The following KATNAL2 variants were observed in gnomAD, a reference collection of about 807,000 sequenced individuals.
KATNAL2 encodes katanin p60 ATPase-containing subunit A-like 2.
A neutral mutation model predicts 76.3 loss-of-function variants in KATNAL2; 52 were observed. That is an observed-to-expected ratio of 0.68 (90% CI 0.55 to 0.86). KATNAL2 has a LOEUF of 0.86. KATNAL2 is among the 40% of genes least tolerant of loss of function. The pLI is 0.00. For missense variants in KATNAL2, 660 were observed against 668.9 expected, an observed-to-expected ratio of 0.99 and a Z score of 0.15; for synonymous variants, 243 against 244.2, an observed-to-expected ratio of 1.00 and a Z score of 0.05.
rs573481393 is a variant in KATNAL2, at chr18:47,033,104, C to G, written c.52-13353C>G. ...TTCCGGGTTTTGGCCGCGGGCGCCG[C>G]GTGCTCATTGCTGCTGCTCAGGCAG... On this transcript the variant is annotated intron_variant, in intron 3 of 17. Coordinates refer to ENST00000683218, the MANE Select transcript of KATNAL2 (RefSeq NM_001387690.1). 4 of 1,614,110 alleles carry G rather than the reference C, an allele frequency of 2.5e-6. No homozygotes were observed. The African/African-American group carries it at 5.3e-5, about 22-fold the overall frequency.
intron 3 of KATNAL2, chr18:47,035,694 C>T: frequency 3.6e-6 from 1 of 275,512 alleles, no homozygotes; most frequent in Non-Finnish European, 7.3e-6. Flanking sequence ...ACGGTCCACG[C>T]CAGGTGGACT....
intron 3 of KATNAL2, chr18:46,963,135 T>TGC (rs373334809): frequency 0.035 from 33,477 of 967,370 alleles, 206 homozygotes; most frequent in South Asian, 0.05. Flanking sequence ...TCGCAGCCGC[T>TGC]GCTCTCGGGC....
At chr18:47,031,483 T>C (rs1289907178) in intron 3 of KATNAL2, among the ~76,000 whole-genome samples, 1 of 152,178 alleles carries the variant, frequency 6.6e-6, no homozygotes, top group Non-Finnish European at 1.5e-5. Flanking sequence ...AAAATCATTA[T>C]GCCCTGAGAA....
intron 13 of KATNAL2, among the ~76,000 whole-genome samples, chr18:47,070,097 C>G (rs80237761): frequency 8.9e-5 from 12 of 134,922 alleles, no homozygotes; most frequent in African/African-American, 3.3e-4. Context: ...TTTTTGCTTT[C>G]TTTTTTTTTT....
At chr18:46,925,385 C>A (rs1156407292) in intron 1 of KATNAL2, among the ~76,000 whole-genome samples, 4 of 152,128 alleles carry the variant, frequency 2.6e-5, no homozygotes, top group African/African-American at 7.2e-5. Context: ...GGATTACATT[C>A]ATTGATTTGC....
intron 3 of KATNAL2, 102 bp downstream of exon 3, chr18:46,947,025 C>A: frequency 2.3e-6 from 2 of 861,116 alleles, no homozygotes; most frequent in Non-Finnish European, 3.8e-6. Flanking sequence ...ACAGAGTCCG[C>A]TACTAGAGAA....
At chr18:47,054,499 C>CCAGA in intron 6 of KATNAL2, 61 bp downstream of exon 6, 1 of 1,506,672 alleles carries the variant, frequency 6.6e-7, no homozygotes, top group Non-Finnish European at 9.2e-7. Context: ...GAATCCCTTT[C>CCAGA]CAGAAGCTTT....
Position 47,101,072 on chromosome 18 carries a change from G to A in KATNAL2, c.*67G>A. 6.4e-7 allele frequency: 1 copy of A among 1,550,642 alleles called. No individual in the cohort carries two copies. Among genetic ancestry groups the A allele is most frequent in the Non-Finnish European group, 8.8e-7 (1 of 1,130,214 alleles). ...GACCTCCTAGTTTATTAATGTCCGT[G>A]GGAGAACAAAATGATTGGAATGGAA... is the stretch of plus-strand genomic sequence containing the variant. On this transcript the variant is annotated 3_prime_UTR_variant, in exon 18 of 18. Transcript: ENST00000683218.
intron 15 of KATNAL2, among the ~76,000 whole-genome samples, chr18:47,094,849 C>T (rs539264490): frequency 6.6e-6 from 1 of 152,290 alleles, no homozygotes; most frequent in East Asian, 1.9e-4. Context: ...CCATTTTACC[C>T]TCTACCAAGG....
In KATNAL2 at chr18:46,946,316, T is replaced by A. The variant is rs143340835; in HGVS notation, c.-250T>A. 1 of 1,041,956 alleles carries A rather than the reference T, an allele frequency of 9.6e-7. No individual in the cohort carries two copies. The highest frequency in any genetic ancestry group is 1.2e-6 in the Non-Finnish European group (1 of 861,408). 64.5% of individuals were successfully genotyped at this position (1,041,956 alleles called of 1,614,324 possible). A position where few individuals can be genotyped will look rare whatever the true frequency, so the allele number is the denominator to read the frequency against. ...AATTGGAGGAGAAGGGGAAGTTTGG[T>A]GATGCACAGTTTGCATCCCAGAAGG... On this transcript the variant is annotated 5_prime_UTR_variant, in exon 2 of 18. It removes the in-frame stop codon of an upstream open reading frame in the 5' UTR. Transcript: ENST00000683218.
chr18:47,044,373 G>A (rs778626946), intron 3 of KATNAL2, among the ~76,000 whole-genome samples: 2 of 152,146 alleles, frequency 1.3e-5, no homozygotes, highest in African/African-American at 4.8e-5. Flanking sequence ...GTTTCAATTC[G>A]GGAAGATGAA....
chr18:47,046,605 T>A, intron 4 of KATNAL2, 78 bp downstream of exon 4: 1 of 1,004,402 alleles, frequency 1.0e-6, no homozygotes. Context: ...TACTTTTAAA[T>A]ACAATAGACT....
chr18:46,946,658 C>G (rs1472783659), intron 2 of KATNAL2, 112 bp downstream of exon 2: 1 of 1,133,248 alleles, frequency 8.8e-7, no homozygotes, highest in Non-Finnish European at 1.2e-6. Context: ...CTTCATTGGC[C>G]AGTGTCATGC....
rs2063435686 is a variant in KATNAL2 at position 47,101,350 on chromosome 18, T to C, written c.*345T>C. 4.3e-6 allele frequency: 1 copy of C among 234,858 alleles called. No homozygotes were observed. The highest frequency in any genetic ancestry group is 4.9e-5 in the Admixed American group (1 of 20,470). 14.5% of individuals were successfully genotyped at this position (234,858 alleles called of 1,614,324 possible). ...TAAGAAAAAGATGTACTTAGAAAAG[T>C]TGTGTTGGCCACACACAGGATGACC... is the stretch of plus-strand genomic sequence containing the variant. On this transcript the variant is annotated 3_prime_UTR_variant, in exon 18 of 18. Coordinates refer to ENST00000683218, the MANE Select transcript of KATNAL2 (RefSeq NM_001387690.1).
chr18:47,046,198 C>T (rs945447821), intron 3 of KATNAL2, among the ~76,000 whole-genome samples: 20 of 152,214 alleles, frequency 1.3e-4, no homozygotes, highest in African/African-American at 1.9e-4. Flanking sequence ...CCGATTGGCT[C>T]GGCAGGAAGA....
Position 47,059,625 on chromosome 18 carries a change from A to G in KATNAL2, c.520A>G (p.Ser174Gly). Reference sequence around the variant, plus strand: ...ACATATATCAAGAATCCGTAAAGACAGTGGAGAGGAAAATGCCCACCCACG... The same window carrying G: ...ACATATATCAAGAATCCGTAAAGACGGTGGAGAGGAAAATGCCCACCCACG... ...GLHISRIRKD[S>G]GEENAHPRRG... is the part of the protein sequence containing the mutation. Residue 174 changes from serine to glycine, a missense_variant, in exon 8 of 18, where the codon AGT (serine) becomes GGT (glycine). By Grantham distance (56) the Ser-to-Gly change is moderately conservative. Transcript: ENST00000683218. 9 of 1,613,644 alleles carry G rather than the reference A, an allele frequency of 5.6e-6. No homozygotes were observed. The highest frequency in any genetic ancestry group is 7.6e-6 in the Non-Finnish European group (9 of 1,179,520).
In KATNAL2 at chr18:46,946,455, G is replaced by T; in HGVS notation, c.-111G>T. 1 of 985,456 alleles carries T rather than the reference G, an allele frequency of 1.0e-6. No individual in the cohort carries two copies. The highest frequency in any genetic ancestry group is 1.2e-6 in the Non-Finnish European group (1 of 829,922). The allele number at this position is 985,456 out of a possible 1,614,324, so 61.0% of individuals were successfully genotyped here. On this transcript the variant is annotated 5_prime_UTR_variant, in exon 2 of 18. Transcript: ENST00000683218. ...CAAACCTTTACCCTAATCCAGGGAG[G>T]AGAAGACGGGACGTCAAAATATAGT...
intron 4 of KATNAL2, among the ~76,000 whole-genome samples, chr18:47,046,953 C>A (rs2061179703): frequency 1.3e-5 from 2 of 151,584 alleles, no homozygotes; most frequent in Non-Finnish European, 2.9e-5. Flanking sequence ...CTTTTTTTTT[C>A]TTTTGAGACA....
intron 5 of KATNAL2, among the ~76,000 whole-genome samples, chr18:47,053,609 A>G (rs1427700575): frequency 6.6e-6 from 1 of 152,204 alleles, no homozygotes; most frequent in Non-Finnish European, 1.5e-5. Context: ...ACATTGACTG[A>G]GAAGTCTGTA....
Sources: gnomAD v4.1 joint callset for allele counts (sites outside exome capture counted in the v4.1 genomes callset) on GRCh38, gnomAD v4.1.1 for gene constraint, MANE v1.5 for transcripts, NCBI Gene and HGNC (gene_info 2026-07-23, HGNC 2026-07-21) for gene names.